MYO1E: variants seen among roughly 807,000 people sequenced by gnomAD.
MYO1E encodes the protein myosin IE.
A neutral mutation model predicts 151.1 loss-of-function variants in MYO1E; 68 were observed. That is an observed-to-expected ratio of 0.45 (90% CI 0.37 to 0.55). The LOEUF (loss-of-function observed/expected upper bound fraction) is 0.55. MYO1E is among the 20% of genes least tolerant of loss of function. The probability of loss-of-function intolerance (pLI) is 0.00; values close to 1 mark genes in which losing one functional copy is unlikely to be tolerated. For synonymous variants in MYO1E, 601 were observed against 501.7 expected (o/e 1.20, Z -2.64); for missense variants, 1,363 against 1,389.3 (o/e 0.98, Z 0.30).
intron 1 of MYO1E, among the ~76,000 whole-genome samples, chr15:59,320,655 C>T (rs1225154266): frequency 1.3e-5 from 2 of 152,076 alleles, no homozygotes; most frequent in African/African-American, 4.8e-5. Context: ...AAAACTTGAC[C>T]CTACCTTTCA....
chr15:59,316,646 C>T (rs989474992), intron 1 of MYO1E, among the ~76,000 whole-genome samples: 11 of 152,104 alleles, frequency 7.2e-5, no homozygotes, highest in African/African-American at 2.7e-4. Flanking sequence ...ACTTCTTGCC[C>T]ATATAAACTG....
At chr15:59,160,986 C>T in intron 24 of MYO1E, 87 bp downstream of exon 24, 3 of 1,541,622 alleles carry the variant, frequency 1.9e-6, no homozygotes, top group South Asian at 2.2e-5. Flanking sequence ...TCTCAGCCCC[C>T]ACATCTGTGC....
intron 1 of MYO1E, among the ~76,000 whole-genome samples, chr15:59,363,210 C>A (rs1474916308): frequency 6.6e-6 from 1 of 152,128 alleles, no homozygotes. Context: ...ATCTCCTGAC[C>A]TCGTGATCCA....
chr15:59,153,850 T>C, intron 25 of MYO1E, 59 bp from the exon 26 acceptor site: 2 of 1,489,682 alleles, frequency 1.3e-6, no homozygotes, highest in South Asian at 2.3e-5. Flanking sequence ...TTGCCAAAAG[T>C]CTCTCCACAT....
rs143365150 is a variant in MYO1E, at chr15:59,209,284, G to A, written c.1363-436C>T. On this transcript the variant is annotated intron_variant, in intron 13 of 27. Coordinates refer to ENST00000288235, the MANE Select transcript of MYO1E (RefSeq NM_004998.4). ...TATAATGCATTTCCTTTTTCACATAGCACTATTTTATAAGCATTCCTCATG... is the reference window on the plus strand; with the variant it reads ...TATAATGCATTTCCTTTTTCACATAACACTATTTTATAAGCATTCCTCATG... Among the ~76,000 whole-genome samples the A allele has an allele frequency of 9.2e-5, 14 of 152,178 alleles. No homozygotes were observed. In the East Asian group the frequency reaches 2.7e-3, roughly 29 times the overall value.
At chr15:59,301,178 A>T (rs1057458958) in intron 1 of MYO1E, among the ~76,000 whole-genome samples, 1 of 151,870 alleles carries the variant, frequency 6.6e-6, no homozygotes, top group Non-Finnish European at 1.5e-5. Context: ...TTCCTTTTTA[A>T]ATTTTATCAG....
At chr15:59,151,215 C>G (rs1230966014) in intron 26 of MYO1E, among the ~76,000 whole-genome samples, 2 of 151,438 alleles carry the variant, frequency 1.3e-5, no homozygotes, top group Non-Finnish European at 2.9e-5. Flanking sequence ...ATGACGAGGT[C>G]AAGAGATCGA....
chr15:59,356,374 A>C (rs1344560932), intron 1 of MYO1E, among the ~76,000 whole-genome samples: 1 of 152,178 alleles, frequency 6.6e-6, no homozygotes, highest in Non-Finnish European at 1.5e-5. Flanking sequence ...GCGACATTCA[A>C]ATCACAGGGT....
At chr15:59,244,361 C>G (rs1450873483) in intron 4 of MYO1E, among the ~76,000 whole-genome samples, 1 of 152,236 alleles carries the variant, frequency 6.6e-6, no homozygotes, top group Non-Finnish European at 1.5e-5. Flanking sequence ...TTGAATGTTA[C>G]TAGCAGATCT....
intron 16 of MYO1E, among the ~76,000 whole-genome samples, chr15:59,199,488 C>T (rs916754551): frequency 1.3e-5 from 2 of 152,138 alleles, no homozygotes; most frequent in Non-Finnish European, 2.9e-5. Flanking sequence ...AGAGGAAATG[C>T]TCATTGGAGC....
intron 7 of MYO1E, among the ~76,000 whole-genome samples, chr15:59,225,650 C>CTTTT (rs113019199): frequency 1.4e-5 from 2 of 139,270 alleles, no homozygotes; most frequent in African/African-American, 2.7e-5. Flanking sequence ...CTTTTCTTTT[C>CTTTT]TTTTTTTTTT....
In MYO1E at chr15:59,350,789, A is replaced by T. The variant is rs2080818843; in HGVS notation, c.3+21709T>A. 6.6e-6 allele frequency among the ~76,000 whole-genome samples: 1 copy of T among 152,256 alleles called. No homozygotes were observed. Among genetic ancestry groups the T allele is most frequent in the Non-Finnish European group, 1.5e-5 (1 of 68,042 alleles). The stretch of plus-strand genomic sequence containing the variant: ...AGTCACAAATAAATAACTCTATGGT[A>T]AGGGCCACAATTTGGAGAAGGGAAT... On this transcript the variant is annotated intron_variant, in intron 1 of 27. Coordinates refer to ENST00000288235, the MANE Select transcript of MYO1E (RefSeq NM_004998.4). This position sits in a 1 kb window ranked among gnomAD's most constrained non-coding sequence, Gnocchi z 5.0.
chr15:59,170,862 C>T (rs988014425), intron 22 of MYO1E, among the ~76,000 whole-genome samples: 4 of 152,128 alleles, frequency 2.6e-5, no homozygotes. Flanking sequence ...ACATCAGACG[C>T]CTGAGCACAT....
chr15:59,229,637 A>G (rs1367034324), intron 6 of MYO1E, among the ~76,000 whole-genome samples: 1 of 152,200 alleles, frequency 6.6e-6, no homozygotes, highest in Non-Finnish European at 1.5e-5. Flanking sequence ...TGTTCATTGC[A>G]TTGTTTTTAA....
intron 6 of MYO1E, 78 bp downstream of exon 6, chr15:59,231,624 T>C: frequency 6.9e-7 from 1 of 1,444,994 alleles, no homozygotes; most frequent in Non-Finnish European, 9.7e-7. Context: ...TCCCATTTCC[T>C]GTGGGATACT....
chr15:59,321,513 G>A (rs985908634), intron 1 of MYO1E, among the ~76,000 whole-genome samples: 26 of 152,184 alleles, frequency 1.7e-4, no homozygotes, highest in Admixed American at 4.6e-4. Context: ...AAAGAAGAGC[G>A]AAATCATGTC....
chr15:59,229,985 G>A (rs948012527), intron 6 of MYO1E, among the ~76,000 whole-genome samples: 26 of 152,080 alleles, frequency 1.7e-4, no homozygotes, highest in South Asian at 8.3e-4. Flanking sequence ...GGAAGCTTAT[G>A]TAATTTATTC....
In MYO1E at chr15:59,161,100, T is replaced by C. The variant is rs2140310629; in HGVS notation, c.2758A>G (p.Ile920Val). ...KPSNKVLQVS[I>V]GPGLPKNSRP... is the part of the protein sequence containing the mutation. ...GAGTTCTTGGGCAGTCCAGGTCCGATGCTGACCTGCAGCACTTTGTTACTG... is the reference window on the plus strand; with the variant it reads ...GAGTTCTTGGGCAGTCCAGGTCCGACGCTGACCTGCAGCACTTTGTTACTG... Residue 920 changes from isoleucine (I) to valine (V), a missense_variant, in exon 24 of 28, where the codon ATC becomes GTC. Coordinates refer to ENST00000288235, the MANE Select transcript of MYO1E (RefSeq NM_004998.4). The C allele has an allele frequency of 6.2e-7, 1 of 1,613,882 alleles. No individual in the cohort carries two copies.
At chr15:59,213,964 G>T (rs544436577) in intron 12 of MYO1E, among the ~76,000 whole-genome samples, 1 of 152,316 alleles carries the variant, frequency 6.6e-6, no homozygotes, top group East Asian at 1.9e-4. Context: ...CGTGCTCAAT[G>T]AGTCAGTAGA....
Sources: gnomAD v4.1 joint callset for allele counts (sites outside exome capture counted in the v4.1 genomes callset) on GRCh38, gnomAD v4.1.1 for gene constraint, Gnocchi (gnomAD v3.1) non-coding constraint, MANE v1.5 for transcripts, NCBI Gene and HGNC (gene_info 2026-07-23, HGNC 2026-07-21) for gene names.